The following SNX29 variants were observed in gnomAD, a reference collection of about 807,000 sequenced individuals.
SNX29 encodes sorting nexin 29.
In SNX29, 78 loss-of-function variants were observed where a neutral mutation model predicts 102.1. That is an observed-to-expected ratio of 0.76 (90% CI 0.64 to 0.92). SNX29 has a LOEUF of 0.92. Among genes scored for constraint, SNX29 ranks in the 40% least tolerant of loss-of-function variants. The pLI, the probability that SNX29 is intolerant of heterozygous loss-of-function variation, is 0.00. For synonymous variants in SNX29, 580 were observed against 414.5 expected, an observed-to-expected ratio of 1.40 and a Z score of -4.85; for missense variants, 1,280 against 1,061.7, an observed-to-expected ratio of 1.21 and a Z score of -2.86.
At chr16:12,255,271 C>G (rs1158325617) in intron 14 of SNX29, among the ~76,000 whole-genome samples, 1 of 152,198 alleles carries the variant, frequency 6.6e-6, no homozygotes, top group Admixed American at 6.5e-5. Flanking sequence ...TCTCGGCTCA[C>G]TGCCACCTCT....
At chr16:12,292,521 T>A (rs1567405462) in intron 15 of SNX29, among the ~76,000 whole-genome samples, 1 of 152,124 alleles carries the variant, frequency 6.6e-6, no homozygotes, top group Non-Finnish European at 1.5e-5. Context: ...TTCAGACCCA[T>A]TGAGGAAGAT....
chr16:12,041,464 C>T (rs577006954), intron 4 of SNX29, among the ~76,000 whole-genome samples: 1 of 152,320 alleles, frequency 6.6e-6, no homozygotes, highest in South Asian at 2.1e-4. Context: ...CAGTTGTTGG[C>T]TTTTAAACAC....
intron 20 of SNX29, among the ~76,000 whole-genome samples, chr16:12,540,251 C>G (rs1012027233): frequency 1.3e-5 from 2 of 152,142 alleles, no homozygotes; most frequent in African/African-American, 2.4e-5. Flanking sequence ...CCCCCCACCC[C>G]CAGCGTAAGG....
chr16:12,112,629 T>C (rs942616531), intron 11 of SNX29, among the ~76,000 whole-genome samples: 6 of 152,200 alleles, frequency 3.9e-5, no homozygotes, highest in African/African-American at 1.4e-4. Context: ...CTTTGTCTCG[T>C]GAGGTCCAGG....
intron 15 of SNX29, among the ~76,000 whole-genome samples, chr16:12,285,348 C>G (rs2079560905): frequency 6.6e-6 from 1 of 152,192 alleles, no homozygotes; most frequent in Non-Finnish European, 1.5e-5. Flanking sequence ...CAGAACTTTA[C>G]TCCCTTCCAT....
At chr16:12,279,949 C>T (rs72786334) in intron 15 of SNX29, among the ~76,000 whole-genome samples, 2,572 of 152,258 alleles carry the variant, frequency 0.017, 37 homozygotes, top group Middle Eastern at 0.024. Context: ...GTGCCTACTT[C>T]GCAGGGTCCA....
At position 12,151,056 on chromosome 16, in the gene SNX29, T is replaced by A. The variant is rs150327004; in HGVS notation, c.1595+21298T>A. Among the ~76,000 whole-genome samples the A allele has an allele frequency of 5.4e-3, 816 of 152,292 alleles. 8 individuals are homozygous for A. The highest frequency in any genetic ancestry group is 0.019 in the African/African-American group (774 of 41,546). ...TTTGTTTCTGCTTTTTATTTAAAAA[T>A]TTTTAAATTATGGAATTTTTCAAAC... is the stretch of plus-strand genomic sequence containing the variant. On this transcript the variant is annotated intron_variant, in intron 13 of 20. Transcript: ENST00000566228.
At chr16:12,484,120 A>G (rs1044321518) in intron 19 of SNX29, among the ~76,000 whole-genome samples, 1 of 152,188 alleles carries the variant, frequency 6.6e-6, no homozygotes, top group Non-Finnish European at 1.5e-5. Context: ...TGCTTCCTGC[A>G]TCCCTGCTTA....
At chr16:12,451,635 G>A (rs2086303528) in intron 18 of SNX29, among the ~76,000 whole-genome samples, 1 of 152,174 alleles carries the variant, frequency 6.6e-6, no homozygotes, top group Non-Finnish European at 1.5e-5. Context: ...AGGCTGAGGC[G>A]GGTGGACCAT....
intron 11 of SNX29, among the ~76,000 whole-genome samples, chr16:12,109,127 C>CAAAAAAAAAAAA (rs71139575): frequency 1.8e-4 from 6 of 33,308 alleles, no homozygotes; most frequent in African/African-American, 8.3e-4. Flanking sequence ...GGCGCTGTCT[C>CAAAAAAAAAAAA]AAAAAAAAAA....
At chr16:12,449,391 C>T (rs912586867) in intron 18 of SNX29, among the ~76,000 whole-genome samples, 28 of 151,934 alleles carry the variant, frequency 1.8e-4, no homozygotes, top group African/African-American at 6.8e-4. Context: ...GGGATCATGG[C>T]ATATGTGTGA....
In SNX29 at chr16:12,442,594, T is replaced by C. The variant is rs560891927; in HGVS notation, c.2038-35125T>C. Among the ~76,000 whole-genome samples the C allele has an allele frequency of 5.1e-3, 772 of 152,022 alleles. 5 individuals are homozygous for C. The highest frequency in any genetic ancestry group is 6.3e-3 in the Admixed American group (97 of 15,278). On this transcript the variant is annotated intron_variant, in intron 18 of 20. Coordinates refer to ENST00000566228, the MANE Select transcript of SNX29 (RefSeq NM_032167.5). ...ATGTGACTGTGTGTTTTTTTGTTTTTTTTTTTTTGATATAGGGTCTCAGGC... is the reference window on the plus strand; with the variant it reads ...ATGTGACTGTGTGTTTTTTTGTTTTCTTTTTTTTGATATAGGGTCTCAGGC...
At chr16:12,508,369 C>T (rs2089467124) in intron 19 of SNX29, among the ~76,000 whole-genome samples, 1 of 152,198 alleles carries the variant, frequency 6.6e-6, no homozygotes, top group African/African-American at 2.4e-5. Context: ...TAGCACAGCT[C>T]GATGAACTGT....
chr16:12,506,685 G>A (rs558214961), intron 19 of SNX29, among the ~76,000 whole-genome samples: 2 of 152,280 alleles, frequency 1.3e-5, no homozygotes, highest in East Asian at 1.9e-4. Context: ...TTCAGCAAAG[G>A]CAGCATATCA....
chr16:12,383,900 A>G (rs1352931002), intron 16 of SNX29, among the ~76,000 whole-genome samples: 3 of 149,722 alleles, frequency 2.0e-5, no homozygotes, highest in Admixed American at 6.8e-5. Flanking sequence ...GGTAACTATC[A>G]TTCTACTCTC....
intron 15 of SNX29, among the ~76,000 whole-genome samples, chr16:12,301,768 C>G (rs751761903): frequency 6.6e-6 from 1 of 152,206 alleles, no homozygotes; most frequent in Non-Finnish European, 1.5e-5. Flanking sequence ...CATTAACATT[C>G]TGGTGTTTCT....
intron 17 of SNX29, among the ~76,000 whole-genome samples, chr16:12,401,908 G>A (rs2083960378): frequency 6.6e-6 from 1 of 152,196 alleles, no homozygotes; most frequent in Admixed American, 6.5e-5. Context: ...TGCACTGAAA[G>A]AGAGAACCAT....
intron 15 of SNX29, among the ~76,000 whole-genome samples, chr16:12,311,197 C>A (rs945641360): frequency 1.3e-5 from 2 of 151,960 alleles, no homozygotes; most frequent in South Asian, 2.1e-4. Context: ...TTTTCTGAAC[C>A]CCCCGCCCCC....
chr16:12,562,899 A>G (rs764079909), intron 20 of SNX29, among the ~76,000 whole-genome samples: 3 of 152,090 alleles, frequency 2.0e-5, no homozygotes, highest in Non-Finnish European at 4.4e-5. Context: ...GAATTTGACG[A>G]TGTGCTTGAG....
Sources: allele counts gnomAD v4.1 joint callset (sites outside exome capture counted in the v4.1 genomes callset), GRCh38; gene constraint gnomAD v4.1.1; transcripts MANE v1.5; gene names NCBI Gene and HGNC (gene_info 2026-07-23, HGNC 2026-07-21).